The following BTBD7 variants were observed in gnomAD, a reference collection of about 807,000 sequenced individuals.
BTBD7 encodes the protein BTB/POZ domain-containing protein 7.
In BTBD7, 38 loss-of-function variants were observed where a neutral mutation model predicts 99.9. The observed-to-expected ratio is 0.38, with a 90% CI of 0.29 to 0.50. BTBD7 has a LOEUF of 0.50. Among genes scored for constraint, BTBD7 ranks in the 20% least tolerant of loss-of-function variants. BTBD7 has a pLI of 0.93. For synonymous variants in BTBD7, 520 were observed against 511.4 expected (o/e 1.02, Z -0.23); for missense variants, 1,170 against 1,394.6 (o/e 0.84, Z 2.57).
intron 1 of BTBD7, among the ~76,000 whole-genome samples, chr14:93,298,780 AT>A (rs1478976674): frequency 1.3e-5 from 2 of 152,258 alleles, no homozygotes; most frequent in Non-Finnish European, 2.9e-5. Context: ...ACAATTAGAT[AT>A]CCTAAAGCAA....
intron 6 of BTBD7, among the ~76,000 whole-genome samples, chr14:93,254,468 C>T (rs2052407102): frequency 6.6e-6 from 1 of 152,128 alleles, no homozygotes; most frequent in South Asian, 2.1e-4. Flanking sequence ...AGAACATTGA[C>T]ATGGGCCTAT....
intron 7 of BTBD7, among the ~76,000 whole-genome samples, chr14:93,252,526 T>G (rs983534292): frequency 1.3e-5 from 2 of 150,938 alleles, no homozygotes; most frequent in Admixed American, 6.6e-5. Flanking sequence ...CTGGCTAGTT[T>G]TTTTTTTTTT....
At chr14:93,304,132 C>A (rs2053040486) in intron 1 of BTBD7, among the ~76,000 whole-genome samples, 1 of 152,218 alleles carries the variant, frequency 6.6e-6, no homozygotes, top group South Asian at 2.1e-4. Context: ...CTTGCCCAAT[C>A]AACTCTCATA....
intron 3 of BTBD7, among the ~76,000 whole-genome samples, chr14:93,291,964 A>G (rs1283755524): frequency 6.6e-6 from 1 of 152,200 alleles, no homozygotes; most frequent in Non-Finnish European, 1.5e-5. Context: ...AGGCAGGTGG[A>G]TCACCTGAGG....
At chr14:93,244,250 TG>T in intron 10 of BTBD7, 1 of 306,392 alleles carries the variant, frequency 3.3e-6, no homozygotes, top group Non-Finnish European at 6.5e-6. Flanking sequence ...AAGAGGATGC[TG>T]GCTATTAAGA....
In BTBD7 at chr14:93,246,057, G is replaced by A. The variant is rs1453199802; in HGVS notation, c.2351C>T (p.Pro784Leu). The A allele has an allele frequency of 2.5e-6, 4 of 1,608,732 alleles. No homozygotes were observed. The highest frequency in any genetic ancestry group is 2.5e-6 in the Non-Finnish European group (3 of 1,179,654). ...NQLKAGWKQR[P>L]PSQHPSRSFS... is the part of the protein sequence containing the mutation. Reference sequence around the variant, plus strand: ...TGAACGTGAAGGGTGCTGACTGGGAGGTCTTTGCTTCCAGCCTGCTTTGAG... The same window carrying A: ...TGAACGTGAAGGGTGCTGACTGGGAAGTCTTTGCTTCCAGCCTGCTTTGAG... Residue 784 changes from proline to leucine, a missense_variant, in exon 10 of 11, where the codon CCT (proline) becomes CTT (leucine). Pro to Leu is a moderately conservative substitution (Grantham distance 98). Transcript: ENST00000334746.
At chr14:93,268,377 T>C (rs945743723) in intron 3 of BTBD7, among the ~76,000 whole-genome samples, 1 of 152,240 alleles carries the variant, frequency 6.6e-6, no homozygotes, top group African/African-American at 2.4e-5. Context: ...TGTCTGACTC[T>C]TCCACCAGAC....
At chr14:93,296,654 G>C (rs1479698398) in intron 1 of BTBD7, among the ~76,000 whole-genome samples, 1 of 151,974 alleles carries the variant, frequency 6.6e-6, no homozygotes, top group Non-Finnish European at 1.5e-5. Flanking sequence ...TGTATAATTA[G>C]GCATTTTACT....
intron 1 of BTBD7, among the ~76,000 whole-genome samples, chr14:93,300,704 T>A (rs775700410): frequency 1.1e-5 from 1 of 87,054 alleles, no homozygotes; most frequent in South Asian, 4.7e-4. Context: ...CCCAGCTAAT[T>A]TGTGTGTGTG....
chr14:93,315,668 T>G (rs538847490), intron 1 of BTBD7, among the ~76,000 whole-genome samples: 1 of 152,376 alleles, frequency 6.6e-6, no homozygotes, highest in East Asian at 1.9e-4. Flanking sequence ...TGTGGGCTTT[T>G]GTGACTGGCT....
rs2052205501 is a variant in BTBD7 at position 93,240,023 on chromosome 14, T to C, written c.*2250A>G. 1 of 151,124 alleles carries C rather than the reference T, an allele frequency of 6.6e-6. No individual in the cohort carries two copies. The highest frequency in any genetic ancestry group is 1.5e-5 in the Non-Finnish European group (1 of 67,492). 9.4% of individuals were successfully genotyped at this position (151,124 alleles called of 1,614,324 possible). On this transcript the variant is annotated 3_prime_UTR_variant, in exon 11 of 11. Coordinates refer to ENST00000334746, the MANE Select transcript of BTBD7 (RefSeq NM_001002860.4). ...TCAAGGAACATGACGGCATTCACTT[T>C]TGTTTCTGAAGACAGACAGAGACTG...
intron 1 of BTBD7, among the ~76,000 whole-genome samples, chr14:93,306,454 A>C (rs2053071788): frequency 6.6e-6 from 1 of 151,918 alleles, no homozygotes; most frequent in Non-Finnish European, 1.5e-5. Flanking sequence ...AAAAAAAAAA[A>C]AAAGACGTTA....
rs200447121 is a variant in BTBD7 at position 93,242,410 on chromosome 14, C to T, written c.3262G>A (p.Gly1088Ser). 3.5e-5 allele frequency: 56 copies of T among 1,614,188 alleles called. No individual in the cohort carries two copies. The highest frequency in any genetic ancestry group is 6.7e-5 in the East Asian group (3 of 44,886). ...GACTCACTGTCTGCCAGTCTTCTAC[C>T]GGATCTCTCTTCGGGAGCTTCAGAG... Reference protein sequence around the residue: ...CSSEAPEERSGRRLADSESLG... With the variant: ...CSSEAPEERSSRRLADSESLG... The change falls in exon 11 of 11, where the codon GGT (glycine) becomes AGT (serine). Residue 1088 changes from glycine to serine, a missense_variant. Coordinates refer to ENST00000334746, the MANE Select transcript of BTBD7 (RefSeq NM_001002860.4).
At chr14:93,320,539 G>A (rs1340479950) in intron 1 of BTBD7, among the ~76,000 whole-genome samples, 1 of 152,202 alleles carries the variant, frequency 6.6e-6, no homozygotes, top group Non-Finnish European at 1.5e-5. Flanking sequence ...AGAACATTCA[G>A]AGAGGAGGAA....
chr14:93,296,026 G>A lies in BTBD7; in HGVS notation c.26C>T (p.Pro9Leu), dbSNP rs2052922162. The A allele has an allele frequency of 1.2e-6, 2 of 1,613,926 alleles. No individual in the cohort carries two copies. Among genetic ancestry groups the A allele is most frequent in the East Asian group, 2.2e-5 (1 of 44,878 alleles). Reference sequence around the variant, plus strand: ...CCCTACCCTCGGGGAACATGAATGAGGATAATTAGATGCATTAGCACCCAT... The same window carrying A: ...CCCTACCCTCGGGGAACATGAATGAAGATAATTAGATGCATTAGCACCCAT... Reference protein sequence around the residue: MGANASNYPHSCSPRVGGN... With the variant: MGANASNYLHSCSPRVGGN... The change falls in exon 2 of 11, where the codon CCT (proline) becomes CTT (leucine). Residue 9 changes from proline (P) to leucine (L), a missense_variant. By Grantham distance (98) the Pro-to-Leu change is moderately conservative (BLOSUM62 -3). This residue lies in a region of BTBD7 where 359 missense variants were observed against 497.9 expected (regional missense o/e 0.72). Transcript: ENST00000334746.
intron 3 of BTBD7, among the ~76,000 whole-genome samples, chr14:93,282,087 C>T (rs888247322): frequency 6.6e-6 from 1 of 152,046 alleles, no homozygotes; most frequent in Non-Finnish European, 1.5e-5. Context: ...GGATTTGTTA[C>T]CTCATTTCTA....
chr14:93,272,433 C>T (rs76532282), intron 3 of BTBD7, among the ~76,000 whole-genome samples: 1 of 152,302 alleles, frequency 6.6e-6, no homozygotes, highest in African/African-American at 2.4e-5. Context: ...TTTCTGCCCT[C>T]CTTTGACCTC....
At chr14:93,247,159 C>A in intron 9 of BTBD7, among the ~76,000 whole-genome samples, 1 of 151,444 alleles carries the variant, frequency 6.6e-6, no homozygotes, top group East Asian at 1.9e-4. Flanking sequence ...CCCGAGGAAC[C>A]GGGACTACTG....
intron 6 of BTBD7, 118 bp downstream of exon 6, chr14:93,257,077 C>T: frequency 1.0e-6 from 1 of 1,000,232 alleles, no homozygotes; most frequent in Non-Finnish European, 1.5e-6. Flanking sequence ...TGTCTCTGTC[C>T]TCACAGAATT....
Sources: allele counts gnomAD v4.1 joint callset (sites outside exome capture counted in the v4.1 genomes callset), GRCh38; gene constraint gnomAD v4.1.1; regional missense constraint gnomAD v4.1.1; transcripts MANE v1.5; gene names NCBI Gene and HGNC (gene_info 2026-07-23, HGNC 2026-07-21).